CTNNA3: variants seen among roughly 807,000 people sequenced by gnomAD.
CTNNA3 encodes the protein catenin alpha 3.
A neutral mutation model predicts 95.7 loss-of-function variants in CTNNA3; 76 were observed. The ratio of observed to expected loss-of-function variants is 0.79; its 90% confidence interval spans 0.66 to 0.96. The LOEUF (loss-of-function observed/expected upper bound fraction) is 0.96, where lower values mean the gene tolerates loss of function less well. CTNNA3 is among the 40% of genes least tolerant of loss of function. CTNNA3 has a pLI of 0.00. For missense variants in CTNNA3, 1,191 were observed against 1,089.8 expected, an observed-to-expected ratio of 1.09 and a Z score of -1.31; for synonymous variants, 431 against 374.4, an observed-to-expected ratio of 1.15 and a Z score of -1.74.
intron 7 of CTNNA3, among the ~76,000 whole-genome samples, chr10:67,029,266 TAAG>T (rs1853577289): frequency 6.6e-6 from 1 of 152,188 alleles, no homozygotes; most frequent in Non-Finnish European, 1.5e-5. Flanking sequence ...ACAGTTGAAA[TAAG>T]AAGTTTCAAC....
chr10:65,939,150 T>C (rs572937679), intron 17 of CTNNA3, among the ~76,000 whole-genome samples: 69 of 152,084 alleles, frequency 4.5e-4, no homozygotes, highest in South Asian at 1.5e-3. Context: ...CGTGATCCGC[T>C]CGCCTCGGCC....
At chr10:66,506,768 A>G (rs969251611) in intron 11 of CTNNA3, among the ~76,000 whole-genome samples, 4 of 152,108 alleles carry the variant, frequency 2.6e-5, no homozygotes, top group Non-Finnish European at 5.9e-5. Context: ...ACAATCTCCA[A>G]TTTAAAAGAT....
intron 9 of CTNNA3, among the ~76,000 whole-genome samples, chr10:66,628,877 A>C (rs147624705): frequency 6.6e-6 from 1 of 152,258 alleles, no homozygotes; most frequent in Admixed American, 6.5e-5. Flanking sequence ...TTAGATGTGT[A>C]GTTAAGAGGG....
intron 7 of CTNNA3, among the ~76,000 whole-genome samples, chr10:67,049,433 T>C (rs1854950920): frequency 2.6e-5 from 4 of 152,184 alleles, no homozygotes; most frequent in African/African-American, 9.6e-5. Context: ...CAACTATCAG[T>C]ATAATTATTC....
chr10:66,355,906 A>C (rs199534150), intron 12 of CTNNA3, among the ~76,000 whole-genome samples: 1 of 1,764 alleles, frequency 5.7e-4, no homozygotes, highest in African/African-American at 8.2e-4. Flanking sequence ...TTCAATGTCT[A>C]AATTGTTCCA....
At chr10:66,541,364 G>T (rs1027794335) in intron 10 of CTNNA3, among the ~76,000 whole-genome samples, 2 of 152,086 alleles carry the variant, frequency 1.3e-5, no homozygotes, top group Non-Finnish European at 2.9e-5. Flanking sequence ...TGGATCATTT[G>T]CAAGAATATT....
intron 13 of CTNNA3, among the ~76,000 whole-genome samples, chr10:66,258,494 C>T (rs2090876294): frequency 6.6e-6 from 1 of 152,170 alleles, no homozygotes; most frequent in Admixed American, 6.5e-5. Flanking sequence ...GGAACAACCT[C>T]TATCGTGGAC....
intron 1 of CTNNA3, among the ~76,000 whole-genome samples, chr10:67,691,034 G>T (rs1430034063): frequency 6.6e-6 from 1 of 152,348 alleles, no homozygotes; most frequent in Non-Finnish European, 1.5e-5. Flanking sequence ...TGCGATTGCA[G>T]GCGCGCGCCG....
chr10:67,624,469 G>A (rs1843959858), intron 2 of CTNNA3, among the ~76,000 whole-genome samples: 1 of 152,112 alleles, frequency 6.6e-6, no homozygotes, highest in Non-Finnish European at 1.5e-5. Flanking sequence ...TATGAAAAAG[G>A]GTATATAAGC....
At chr10:66,913,962 C>T (rs555004722) in intron 7 of CTNNA3, among the ~76,000 whole-genome samples, 18 of 152,098 alleles carry the variant, frequency 1.2e-4, no homozygotes, top group Non-Finnish European at 1.5e-4. Context: ...CTGCCTTGCC[C>T]CCAGAACACT....
chr10:67,071,328 G>C (rs7096959), intron 7 of CTNNA3, among the ~76,000 whole-genome samples: 19,308 of 110,150 alleles, frequency 0.18, 1,723 homozygotes, highest in African/African-American at 0.38. Flanking sequence ...TTTGTATTTT[G>C]GGTTTTTTTT....
intron 17 of CTNNA3, among the ~76,000 whole-genome samples, chr10:65,927,720 G>A (rs1467029421): frequency 2.0e-5 from 3 of 152,042 alleles, no homozygotes; most frequent in South Asian, 2.1e-4. Flanking sequence ...CATTTGGTTT[G>A]TTTATTTCAT....
intron 7 of CTNNA3, among the ~76,000 whole-genome samples, chr10:67,132,992 C>T (rs916066149): frequency 2.6e-5 from 4 of 151,612 alleles, no homozygotes; most frequent in Non-Finnish European, 5.9e-5. Context: ...AAAATATGTT[C>T]TAATATTTGA....
intron 10 of CTNNA3, among the ~76,000 whole-genome samples, chr10:66,558,527 C>T (rs1489422615): frequency 6.6e-6 from 1 of 152,076 alleles, no homozygotes; most frequent in East Asian, 1.9e-4. Context: ...CTTATAATAA[C>T]TAGGTATCAC....
chr10:67,393,691 C>G (rs759827734), intron 5 of CTNNA3, among the ~76,000 whole-genome samples: 11 of 152,090 alleles, frequency 7.2e-5, no homozygotes, highest in Non-Finnish European at 1.5e-4. Context: ...TTGCATTGAA[C>G]TAGACATTGA....
chr10:65,921,404 G>C (rs2077084141), intron 17 of CTNNA3, among the ~76,000 whole-genome samples: 1 of 152,184 alleles, frequency 6.6e-6, no homozygotes, highest in Non-Finnish European at 1.5e-5. Flanking sequence ...TGTAATTAGT[G>C]ATAGCTAAGA....
chr10:66,238,654 C>T (rs2089972783), intron 13 of CTNNA3, among the ~76,000 whole-genome samples: 1 of 149,730 alleles, frequency 6.7e-6, no homozygotes, highest in African/African-American at 2.5e-5. Flanking sequence ...TAATCTGATC[C>T]CATTTTGGAA....
chr10:65,939,156 C>G (rs182251111), intron 17 of CTNNA3, among the ~76,000 whole-genome samples: 1 of 152,244 alleles, frequency 6.6e-6, no homozygotes, highest in African/African-American at 2.4e-5. Context: ...CCGCTCGCCT[C>G]GGCCTCTCAA....
chr10:66,442,301 T>C (rs1409631216), intron 11 of CTNNA3, among the ~76,000 whole-genome samples: 1 of 152,136 alleles, frequency 6.6e-6, no homozygotes, highest in African/African-American at 2.4e-5. Flanking sequence ...CAGAAGGTCC[T>C]GGAACCAACC....
Sources: gnomAD v4.1 joint callset for allele counts (sites outside exome capture counted in the v4.1 genomes callset) on GRCh38, gnomAD v4.1.1 for gene constraint, MANE v1.5 for transcripts, NCBI Gene and HGNC (gene_info 2026-07-23, HGNC 2026-07-21) for gene names.